The following LRRTM4 variants were observed in gnomAD, a reference collection of about 807,000 sequenced individuals.
LRRTM4 encodes leucine rich repeat transmembrane neuronal 4, also known as leucine-rich repeat transmembrane neuronal protein 4.
LRRTM4 carries 25 observed loss-of-function variants against 47.6 expected under a neutral mutation model. That is an observed-to-expected ratio of 0.53 (90% CI 0.38 to 0.73). The LOEUF (loss-of-function observed/expected upper bound fraction) is 0.73, where lower values mean the gene tolerates loss of function less well. LRRTM4 is among the 30% of genes least tolerant of loss of function. The probability of loss-of-function intolerance (pLI) is 0.00; values close to 1 mark genes in which losing one functional copy is unlikely to be tolerated. For synonymous variants in LRRTM4, 311 were observed against 269.5 expected (o/e 1.15, Z -1.51); for missense variants, 638 against 713.4 (o/e 0.89, Z 1.20).
At chr2:76,980,341 T>C (rs1228234036) in intron 3 of LRRTM4, among the ~76,000 whole-genome samples, 1 of 152,090 alleles carries the variant, frequency 6.6e-6, no homozygotes, top group Non-Finnish European at 1.5e-5. Flanking sequence ...TACACTTTTG[T>C]TCAAGCTAAT....
rs898044165 is a variant in LRRTM4 at position 77,285,599 on chromosome 2, G to A, written c.1551+232719C>T. ...TCTACCCAAAATACAAAAATTAGCCGGGCCTGCTGGCACATATCTGTAATC... is the reference window on the plus strand; with the variant it reads ...TCTACCCAAAATACAAAAATTAGCCAGGCCTGCTGGCACATATCTGTAATC... On this transcript the variant is annotated intron_variant, in intron 3 of 3. Coordinates refer to ENST00000409884, the MANE Select transcript of LRRTM4 (RefSeq NM_001134745.3). Among the ~76,000 whole-genome samples, 10 of 151,276 alleles carry A rather than the reference G, an allele frequency of 6.6e-5. No individual in the cohort carries two copies. The South Asian group carries it at 8.4e-4, about 13-fold the overall frequency.
intron 3 of LRRTM4, among the ~76,000 whole-genome samples, chr2:76,975,154 G>A (rs1259681941): frequency 1.3e-5 from 2 of 151,668 alleles, no homozygotes; most frequent in Admixed American, 6.6e-5. Context: ...TGAGTAAAGA[G>A]CATATCACAG....
intron 3 of LRRTM4, among the ~76,000 whole-genome samples, chr2:77,468,166 A>C (rs991154879): frequency 6.6e-6 from 1 of 152,212 alleles, no homozygotes; most frequent in Non-Finnish European, 1.5e-5. Context: ...AAAAAATAGA[A>C]ACTAAAGGAT....
At chr2:77,130,995 C>T (rs1033300138) in intron 3 of LRRTM4, among the ~76,000 whole-genome samples, 14 of 143,162 alleles carry the variant, frequency 9.8e-5, no homozygotes, top group African/African-American at 2.6e-4. Context: ...CCACTACGCC[C>T]GGCTAATTTT....
Position 76,748,828 on chromosome 2 carries a change from G to A in LRRTM4, c.1640C>T (p.Thr547Ile). Reference sequence around the variant, plus strand: ...TGGAGACACTGTCTCATAGCCCTTGGTGACATGGAGTGGCTGGTGGGCCTG... The same window carrying A: ...TGGAGACACTGTCTCATAGCCCTTGATGACATGGAGTGGCTGGTGGGCCTG... ...YCQAHQPLHV[T>I]KGYETVSPEQ... The change falls in exon 4 of 4, where the codon ACC becomes ATC. Residue 547 changes from threonine (T) to isoleucine (I), a missense_variant. Coordinates refer to ENST00000409884, the MANE Select transcript of LRRTM4 (RefSeq NM_001134745.3). 6.2e-7 allele frequency: 1 copy of A among 1,614,050 alleles called. No homozygotes were observed. Among genetic ancestry groups the A allele is most frequent in the South Asian group, 1.1e-5 (1 of 91,092 alleles).
At chr2:77,142,415 G>A (rs1672147390) in intron 3 of LRRTM4, among the ~76,000 whole-genome samples, 3 of 135,736 alleles carry the variant, frequency 2.2e-5, no homozygotes. Context: ...GCTGCTGCTT[G>A]TTACCACACA....
chr2:77,048,729 T>G (rs1378040606), intron 3 of LRRTM4, among the ~76,000 whole-genome samples: 1 of 151,984 alleles, frequency 6.6e-6, no homozygotes, highest in African/African-American at 2.4e-5. Context: ...TTCAGGGTAA[T>G]TAGCATATCT....
chr2:77,338,646 T>C (rs1671253049), intron 3 of LRRTM4, among the ~76,000 whole-genome samples: 1 of 152,084 alleles, frequency 6.6e-6, no homozygotes, highest in African/African-American at 2.4e-5. Flanking sequence ...CATACACTGT[T>C]GATGGGAATG....
chr2:77,449,030 G>T (rs536145376), intron 3 of LRRTM4, among the ~76,000 whole-genome samples: 1 of 152,230 alleles, frequency 6.6e-6, no homozygotes, highest in South Asian at 2.1e-4. Context: ...CATGCATCAT[G>T]ATTCCTAACA....
Position 77,475,086 on chromosome 2 carries a change from T to A in LRRTM4, c.1551+43232A>T, listed in dbSNP as rs145059783. ...ACAAACAGATATCAAGAAAAATTTGTGACCAGGATAGAAAATGTATGTTGA... is the reference window on the plus strand; with the variant it reads ...ACAAACAGATATCAAGAAAAATTTGAGACCAGGATAGAAAATGTATGTTGA... On this transcript the variant is annotated intron_variant, in intron 3 of 3. Coordinates refer to ENST00000409884, the MANE Select transcript of LRRTM4 (RefSeq NM_001134745.3). 2.3e-3 allele frequency among the ~76,000 whole-genome samples: 354 copies of A among 152,174 alleles called. 2 individuals carry two copies. The highest frequency in any genetic ancestry group is 8.2e-3 in the African/African-American group (341 of 41,544).
At position 77,321,087 on chromosome 2, in the gene LRRTM4, A is replaced by G. The variant is rs374977713; in HGVS notation, c.1551+197231T>C. 2.6e-4 allele frequency among the ~76,000 whole-genome samples: 39 copies of G among 152,250 alleles called. 1 individual carries two copies. The Middle Eastern group carries it at 0.014, about 53-fold the overall frequency. ...TTTTATTTTTTTAAAAAAAGGACAA[A>G]AAGAATATTCAAGTAAACTCATAAC... On this transcript the variant is annotated intron_variant, in intron 3 of 3. Coordinates refer to ENST00000409884, the MANE Select transcript of LRRTM4 (RefSeq NM_001134745.3).
chr2:76,907,032 C>G (rs539997323), intron 3 of LRRTM4, among the ~76,000 whole-genome samples: 280 of 152,204 alleles, frequency 1.8e-3, no homozygotes, highest in South Asian at 8.5e-3. Flanking sequence ...CAAATCAACA[C>G]AATATACATT....
chr2:77,406,720 G>A (rs1674202266), intron 3 of LRRTM4, among the ~76,000 whole-genome samples: 1 of 152,124 alleles, frequency 6.6e-6, no homozygotes, highest in South Asian at 2.1e-4. Context: ...ACAGTGCATA[G>A]ATTGAACTTA....
At chr2:77,247,886 A>G (rs1008184939) in intron 3 of LRRTM4, among the ~76,000 whole-genome samples, 8 of 151,370 alleles carry the variant, frequency 5.3e-5, no homozygotes, top group African/African-American at 1.7e-4. Context: ...TTTTAAAATT[A>G]TGACATTGTT....
chr2:77,480,827 GAGAGAGAGAGAGA>G (rs1448108317), intron 3 of LRRTM4, among the ~76,000 whole-genome samples: 2,973 of 50,978 alleles, frequency 0.058, 99 homozygotes, highest in African/African-American at 0.17. Context: ...TGTGTGGAGA[GAGAGAGAGAGAGA>G]GAGAGAGAGA....
intron 3 of LRRTM4, among the ~76,000 whole-genome samples, chr2:77,033,911 T>C (rs1166507686): frequency 6.6e-6 from 1 of 151,866 alleles, no homozygotes; most frequent in Admixed American, 6.6e-5. Context: ...GTTTTATATG[T>C]TCCTTACTTT....
chr2:77,215,954 C>A (rs1193655331), intron 3 of LRRTM4, among the ~76,000 whole-genome samples: 2 of 152,114 alleles, frequency 1.3e-5, no homozygotes, highest in Non-Finnish European at 2.9e-5. Context: ...TCAGTAAGAG[C>A]TGCCTCCTCC....
At chr2:77,141,718 C>T (rs1672128242) in intron 3 of LRRTM4, among the ~76,000 whole-genome samples, 1 of 152,142 alleles carries the variant, frequency 6.6e-6, no homozygotes, top group Non-Finnish European at 1.5e-5. Context: ...GTTGCTAAAA[C>T]CATGACATTT....
chr2:77,219,899 G>A (rs569552098), intron 3 of LRRTM4, among the ~76,000 whole-genome samples: 1 of 152,314 alleles, frequency 6.6e-6, no homozygotes, highest in South Asian at 2.1e-4. Context: ...AGAACAGGCA[G>A]ACTGCCTCCT....
Sources: gnomAD v4.1 joint callset for allele counts (sites outside exome capture counted in the v4.1 genomes callset) on GRCh38, gnomAD v4.1.1 for gene constraint, MANE v1.5 for transcripts, NCBI Gene and HGNC (gene_info 2026-07-23, HGNC 2026-07-21) for gene names.